Variants in ITPR2 observed in about 807,000 individuals in gnomAD.
The protein encoded by ITPR2 is inositol 1,4,5-trisphosphate receptor type 2, also known as inositol 1,4,5-trisphosphate-gated calcium channel ITPR2.
Under a neutral mutation model 317.1 loss-of-function variants are expected in ITPR2, and 207 were observed. The observed-to-expected ratio is 0.65, with a 90% CI of 0.58 to 0.73. ITPR2 has a LOEUF of 0.73. ITPR2 is among the 30% of genes least tolerant of loss of function. The pLI is 0.00. For synonymous variants in ITPR2, 1,156 were observed against 1,149.1 expected, an observed-to-expected ratio of 1.01 and a Z score of -0.12; for missense variants, 2,613 against 3,284.0, an observed-to-expected ratio of 0.80 and a Z score of 4.99.
At position 26,622,233 on chromosome 12, in the gene ITPR2, A is replaced by G. The variant is rs774883902; in HGVS notation, c.3288+7T>C. 1.9e-6 allele frequency: 3 copies of G among 1,604,966 alleles called. No homozygotes were observed. The highest frequency in any genetic ancestry group is 2.5e-6 in the Non-Finnish European group (3 of 1,177,058). On this transcript the variant is annotated splice_region_variant and intron_variant, in intron 25 of 56. Transcript: ENST00000381340. ...CTGTGGATGCATTGAGGGCTCTTCA[A>G]TCTTACCTGCTTAAATGCCTGTAAA...
chr12:26,568,459 G>A (rs978609582), intron 34 of ITPR2, among the ~76,000 whole-genome samples: 21 of 151,810 alleles, frequency 1.4e-4, no homozygotes, highest in Middle Eastern at 3.4e-3. Flanking sequence ...TATAAACCTC[G>A]GAAGTTCTCT....
chr12:26,563,960 G>A (rs964440866), intron 34 of ITPR2, among the ~76,000 whole-genome samples: 1 of 152,064 alleles, frequency 6.6e-6, no homozygotes, highest in African/African-American at 2.4e-5. Flanking sequence ...GTGAAAACAG[G>A]GATGACTCAA....
intron 35 of ITPR2, 133 bp from the exon 36 acceptor site, chr12:26,556,508 T>C (rs923005717): frequency 3.5e-6 from 3 of 846,160 alleles, no homozygotes; most frequent in Non-Finnish European, 3.5e-6. Flanking sequence ...CAAATGTCTG[T>C]GCCATAATTA....
intron 55 of ITPR2, among the ~76,000 whole-genome samples, chr12:26,352,375 G>A (rs993539114): frequency 2.6e-5 from 4 of 152,204 alleles, no homozygotes; most frequent in Non-Finnish European, 5.9e-5. Context: ...TAACCAGGCT[G>A]TCCCCAGGTG....
At chr12:26,503,061 A>T (rs1366551815) in intron 37 of ITPR2, among the ~76,000 whole-genome samples, 1 of 152,050 alleles carries the variant, frequency 6.6e-6, no homozygotes, top group African/African-American at 2.4e-5. Flanking sequence ...GCAGTCCTTG[A>T]TCTTCAAGCT....
intron 9 of ITPR2, among the ~76,000 whole-genome samples, chr12:26,697,390 A>G (rs983367384): frequency 4.6e-5 from 7 of 152,202 alleles, no homozygotes; most frequent in African/African-American, 1.7e-4. Flanking sequence ...CTTTCTCAAC[A>G]TTTCCTATGA....
intron 37 of ITPR2, among the ~76,000 whole-genome samples, chr12:26,507,237 T>C (rs773760920): frequency 5.3e-5 from 8 of 152,148 alleles, no homozygotes; most frequent in Non-Finnish European, 1.2e-4. Context: ...CCTTTAAATT[T>C]TCATCAACAT....
At chr12:26,453,235 G>C (rs1431574238) in intron 45 of ITPR2, among the ~76,000 whole-genome samples, 1 of 151,942 alleles carries the variant, frequency 6.6e-6, no homozygotes, top group African/African-American at 2.4e-5. Flanking sequence ...AATTTACTGA[G>C]GTATAATCTT....
intron 37 of ITPR2, among the ~76,000 whole-genome samples, chr12:26,503,909 T>C (rs940257019): frequency 6.6e-5 from 10 of 152,228 alleles, no homozygotes; most frequent in African/African-American, 2.2e-4. Flanking sequence ...GCCATGGTTT[T>C]CACAGCTGAC....
intron 45 of ITPR2, among the ~76,000 whole-genome samples, chr12:26,456,742 C>T (rs528483408): frequency 1.9e-4 from 29 of 152,134 alleles, no homozygotes; most frequent in Middle Eastern, 6.8e-3. Flanking sequence ...GCATGATCTC[C>T]GCTCACTGCA....
intron 9 of ITPR2, among the ~76,000 whole-genome samples, chr12:26,710,583 T>C (rs1353462522): frequency 1.3e-5 from 2 of 152,264 alleles, no homozygotes; most frequent in African/African-American, 4.8e-5. Flanking sequence ...AATTAAAACA[T>C]TTGTAAAACT....
At chr12:26,431,948 C>T (rs1941221134) in intron 48 of ITPR2, among the ~76,000 whole-genome samples, 1 of 152,102 alleles carries the variant, frequency 6.6e-6, no homozygotes, top group Non-Finnish European at 1.5e-5. Context: ...TTTTGTGGTC[C>T]AAGACTTACC....
At chr12:26,431,529 C>T (rs577468605) in intron 48 of ITPR2, among the ~76,000 whole-genome samples, 10 of 152,304 alleles carry the variant, frequency 6.6e-5, no homozygotes, top group South Asian at 2.1e-4. Context: ...CCAACCAAAA[C>T]GTTTAGCCAT....
intron 36 of ITPR2, among the ~76,000 whole-genome samples, chr12:26,553,799 C>G (rs187237166): frequency 1.6e-4 from 24 of 152,196 alleles, no homozygotes; most frequent in African/African-American, 5.3e-4. Context: ...AAAAAGACCC[C>G]TGGCAAAGCT....
In ITPR2 at chr12:26,819,218, T is replaced by C. The variant is rs1950902946; in HGVS notation, c.92+13472A>G. On this transcript the variant is annotated intron_variant, in intron 1 of 56. Coordinates refer to ENST00000381340, the MANE Select transcript of ITPR2 (RefSeq NM_002223.4). ...CAAATAACTCTCAAACAAGTCCTCA[T>C]TTGTAACACTGTTACCAATGAAGAT... 2.6e-5 allele frequency among the ~76,000 whole-genome samples: 4 copies of C among 152,210 alleles called. 1 individual carries two copies. The South Asian group carries it at 8.3e-4, about 31-fold the overall frequency.
chr12:26,379,715 T>C (rs958948303), intron 55 of ITPR2, among the ~76,000 whole-genome samples: 8 of 152,078 alleles, frequency 5.3e-5, no homozygotes, highest in African/African-American at 1.9e-4. Flanking sequence ...GCCTCCAGAG[T>C]CCTAGCTCAC....
rs753018499 is a variant in ITPR2 at position 26,656,548 on chromosome 12, C to T, written c.2193G>A (p.Arg731=). The T allele has an allele frequency of 1.9e-6, 3 of 1,613,904 alleles. No homozygotes were observed. Among genetic ancestry groups the T allele is most frequent in the East Asian group, 4.5e-5 (2 of 44,880 alleles). Residue 731 remains arginine, a splice_region_variant and synonymous_variant, in exon 19 of 57, where the codon AGG becomes AGA. Coordinates refer to ENST00000381340, the MANE Select transcript of ITPR2 (RefSeq NM_002223.4). ...KADLEVLTYY[R]YQLNLFARMC... is the part of the protein sequence containing the mutation. ...TCCTTGCAAAGAGGTTTAGCTGGTA[C>T]CTTAAAAATGGTAAACATATTACAT...
At chr12:26,589,853 T>TATATACACACAC (rs780511857) in intron 32 of ITPR2, among the ~76,000 whole-genome samples, 2 of 57,306 alleles carry the variant, frequency 3.5e-5, no homozygotes, top group Non-Finnish European at 3.7e-5. Flanking sequence ...TATATATATA[T>TATATACACACAC]ACACACACAC....
At chr12:26,482,538 T>C (rs971108941) in intron 42 of ITPR2, among the ~76,000 whole-genome samples, 49 of 152,228 alleles carry the variant, frequency 3.2e-4, no homozygotes, top group African/African-American at 1.1e-3. Context: ...ATCTCTGAAT[T>C]TGTATGTTTT....
Sources: allele counts gnomAD v4.1 joint callset (sites outside exome capture counted in the v4.1 genomes callset), GRCh38; gene constraint gnomAD v4.1.1; transcripts MANE v1.5; gene names NCBI Gene and HGNC (gene_info 2026-07-23, HGNC 2026-07-21).